The following PRPF8 variants were observed in gnomAD, a reference collection of about 807,000 sequenced individuals.
PRPF8 encodes the protein pre-mRNA processing factor 8, also known as pre-mRNA-processing-splicing factor 8.
A neutral mutation model predicts 285.9 loss-of-function variants in PRPF8; 64 were observed. That is an observed-to-expected ratio of 0.22 (90% CI 0.18 to 0.28). The LOEUF (loss-of-function observed/expected upper bound fraction) is 0.28, where lower values mean the gene tolerates loss of function less well. Ranked by LOEUF, PRPF8 falls within the 10% of genes least tolerant of loss-of-function variation. The pLI is 1.00. For missense variants in PRPF8, 1,426 were observed against 3,026.7 expected, an observed-to-expected ratio of 0.47 and a Z score of 12.41; for synonymous variants, 1,325 against 1,118.2, an observed-to-expected ratio of 1.18 and a Z score of -3.69.
In PRPF8 at chr17:1,676,099, G is replaced by A. The variant is rs1912589847; in HGVS notation, c.2553-45C>T. 6.2e-7 allele frequency: 1 copy of A among 1,612,222 alleles called. No homozygotes were observed. Among genetic ancestry groups the A allele is most frequent in the Non-Finnish European group, 8.5e-7 (1 of 1,179,972 alleles). On this transcript the variant is annotated intron_variant, in intron 17 of 42. Coordinates refer to ENST00000304992, the MANE Select transcript of PRPF8 (RefSeq NM_006445.4). The surrounding 1 kb of genome is among the most constrained non-coding windows in gnomAD (Gnocchi z 6.3). ...GGGTGAATGGGAAAACTAGGAGGAAGTAAAACCAGGAAAGACTGGGGCTAC... is the reference window on the plus strand; with the variant it reads ...GGGTGAATGGGAAAACTAGGAGGAAATAAAACCAGGAAAGACTGGGGCTAC...
chr17:1,653,243 T>A lies in PRPF8; in HGVS notation c.6369+299A>T, dbSNP rs1227443464. The A allele has an allele frequency of 1.9e-6, 1 of 524,812 alleles. No individual in the cohort carries two copies. The highest frequency in any genetic ancestry group is 3.5e-6 in the Non-Finnish European group (1 of 289,254). The allele number at this position is 524,812 out of a possible 1,614,324, so 32.5% of individuals were successfully genotyped here. On this transcript the variant is annotated intron_variant, in intron 39 of 42. Transcript: ENST00000304992. This position sits in a 1 kb window ranked among gnomAD's most constrained non-coding sequence, Gnocchi z 4.9. ...GCATTAGCCACTGTGCCCAGCCGAG[T>A]GTTGGGATTACAGGCATGAGCCAGC...
At position 1,659,786 on chromosome 17, in the gene PRPF8, GAAC is replaced by G. The variant is rs1356497974; in HGVS notation, c.4946+52_4946+54del. ...AATTCCTAAAGTTGCAGGGCTAGAA[GAAC>G]AGGAAAACGAAAGTGTCCTGGCTGC... On this transcript the variant is annotated intron_variant, in intron 31 of 42. Coordinates refer to ENST00000304992, the MANE Select transcript of PRPF8 (RefSeq NM_006445.4). This position sits in a 1 kb window ranked among gnomAD's most constrained non-coding sequence, Gnocchi z 5.1. 4.4e-6 allele frequency: 7 copies of G among 1,592,686 alleles called. No homozygotes were observed. Among genetic ancestry groups the G allele is most frequent in the Non-Finnish European group, 5.2e-6 (6 of 1,162,656 alleles).
Position 1,653,534 on chromosome 17 carries a change from T to C in PRPF8, c.6369+8A>G. On this transcript the variant is annotated splice_region_variant and intron_variant, in intron 39 of 42. Coordinates refer to ENST00000304992, the MANE Select transcript of PRPF8 (RefSeq NM_006445.4). The surrounding 1 kb of genome is among the most constrained non-coding windows in gnomAD (Gnocchi z 4.9). ...CACACTGTGGCCTAGCTGAGTCCAC[T>C]TACTCACTTGGGCCCGAAGGTCAGA... is the stretch of plus-strand genomic sequence containing the variant. 4 of 1,614,200 alleles carry C rather than the reference T, an allele frequency of 2.5e-6. No homozygotes were observed. The highest frequency in any genetic ancestry group is 3.4e-6 in the Non-Finnish European group (4 of 1,180,034).
Position 1,661,463 on chromosome 17 carries a change from C to A in PRPF8, c.4203-57G>T. 6.2e-7 allele frequency: 1 copy of A among 1,613,394 alleles called. No individual in the cohort carries two copies. The highest frequency in any genetic ancestry group is 8.5e-7 in the Non-Finnish European group (1 of 1,179,856). Reference sequence around the variant, plus strand: ...GTGATCTCATATGAGGAGCTCAGCACTCCTTCCTGGCCAAAAATAATTAGG... The same window carrying A: ...GTGATCTCATATGAGGAGCTCAGCAATCCTTCCTGGCCAAAAATAATTAGG... On this transcript the variant is annotated intron_variant, in intron 26 of 42. Coordinates refer to ENST00000304992, the MANE Select transcript of PRPF8 (RefSeq NM_006445.4). The surrounding 1 kb of genome is among the most constrained non-coding windows in gnomAD (Gnocchi z 7.3).
chr17:1,683,341 C>G, intron 3 of PRPF8, 192 bp downstream of exon 3: 1 of 692,206 alleles, frequency 1.4e-6, no homozygotes, highest in Non-Finnish European at 2.6e-6. Flanking sequence ...AAGCACCAGT[C>G]CCAGATCGGG....
At position 1,675,969 on chromosome 17, in the gene PRPF8, G is replaced by A. The variant is rs774155574; in HGVS notation, c.2638C>T (p.Arg880Cys). The A allele has an allele frequency of 1.2e-6, 2 of 1,614,056 alleles. No homozygotes were observed. Among genetic ancestry groups the A allele is most frequent in the Non-Finnish European group, 1.7e-6 (2 of 1,180,012 alleles). Residue 880 changes from arginine to cysteine, a missense_variant, in exon 18 of 43, where the codon CGC (arginine) becomes TGC (cysteine). This residue lies in a region of PRPF8 where 70 missense variants were observed against 273.7 expected (regional missense o/e 0.26). Transcript: ENST00000304992. The surrounding 1 kb of genome is among the most constrained non-coding windows in gnomAD (Gnocchi z 6.0). ...AYDNPHEALS[R>C]IKRHLLTQRA... The stretch of plus-strand genomic sequence containing the variant: ...TGTGTGAGGAGGTGACGCTTGATGC[G>A]GGACAGCGCCTCGTGGGGGTTATCG...
At chr17:1,677,831 A>G (rs1266555658) in intron 13 of PRPF8, 137 bp from the exon 14 acceptor site, 5 of 1,123,926 alleles carry the variant, frequency 4.4e-6, no homozygotes, top group South Asian at 1.4e-5. Context: ...GGGTAAAAAG[A>G]AAAAAAAACT....
Position 1,651,014 on chromosome 17 carries a change from C to T in PRPF8, c.6854-58G>A. On this transcript the variant is annotated intron_variant, in intron 42 of 42. Transcript: ENST00000304992. The surrounding 1 kb of genome is among the most constrained non-coding windows in gnomAD (Gnocchi z 5.1). ...GGGCTCCTGCCTCATGCAGCCTGCG[C>T]CACCTCCAAGCCAGCCAGGCCCCAA... The T allele has an allele frequency of 1.2e-6, 2 of 1,614,054 alleles. No homozygotes were observed. Among genetic ancestry groups the T allele is most frequent in the Non-Finnish European group, 1.7e-6 (2 of 1,179,932 alleles).
At chr17:1,684,294 G>A (rs925048568) in intron 2 of PRPF8, among the ~76,000 whole-genome samples, 178 bp downstream of exon 2, 3 of 152,204 alleles carry the variant, frequency 2.0e-5, no homozygotes, top group Admixed American at 6.5e-5. Context: ...CTGTACCCCC[G>A]CTGGATCAGC....
intron 24 of PRPF8, among the ~76,000 whole-genome samples, chr17:1,663,302 TAA>T (rs74265482): frequency 7.4e-5 from 11 of 148,982 alleles, no homozygotes; most frequent in Admixed American, 7.3e-4. Flanking sequence ...AAAAATAATT[TAA>T]AAAAAAAAGA....
intron 3 of PRPF8, 51 bp downstream of exon 3, chr17:1,683,482 G>A (rs890601802): frequency 8.2e-6 from 13 of 1,593,898 alleles, no homozygotes; most frequent in Non-Finnish European, 1.1e-5. Context: ...GGGACAGGGA[G>A]AAGGGAAAAG....
chr17:1,676,380 G>A lies in PRPF8; in HGVS notation c.2389-10C>T, dbSNP rs766724833. Reference sequence around the variant, plus strand: ...TGATGTAAGGCCCGTCCTGTAAGGTGGACATGAAATTAGCCTCCCGCTACA... The same window carrying A: ...TGATGTAAGGCCCGTCCTGTAAGGTAGACATGAAATTAGCCTCCCGCTACA... On this transcript the variant is annotated splice_polypyrimidine_tract_variant and intron_variant, in intron 16 of 42. Coordinates refer to ENST00000304992, the MANE Select transcript of PRPF8 (RefSeq NM_006445.4). This position sits in a 1 kb window ranked among gnomAD's most constrained non-coding sequence, Gnocchi z 6.3. 13 of 1,613,976 alleles carry A rather than the reference G, an allele frequency of 8.1e-6. No homozygotes were observed. The highest frequency in any genetic ancestry group is 1.1e-5 in the Non-Finnish European group (13 of 1,180,042).
intron 24 of PRPF8, among the ~76,000 whole-genome samples, chr17:1,665,365 C>A (rs142583593): frequency 3.4e-4 from 51 of 150,206 alleles, no homozygotes; most frequent in African/African-American, 1.2e-3. Context: ...CGGTGAAACC[C>A]GTCTCTACTA....
chr17:1,679,233 G>A lies in PRPF8; in HGVS notation c.1410-27C>T. On this transcript the variant is annotated intron_variant, in intron 10 of 42. Transcript: ENST00000304992. This position sits in a 1 kb window ranked among gnomAD's most constrained non-coding sequence, Gnocchi z 4.7. Reference sequence around the variant, plus strand: ...TGAGGTGGGAACATGGAGAGTAAGAGTCAGCCTACTGATATCTCTGGAACA... The same window carrying A: ...TGAGGTGGGAACATGGAGAGTAAGAATCAGCCTACTGATATCTCTGGAACA... 6.2e-7 allele frequency: 1 copy of A among 1,614,218 alleles called. No homozygotes were observed. Among genetic ancestry groups the A allele is most frequent in the Non-Finnish European group, 8.5e-7 (1 of 1,180,038 alleles).
Position 1,684,466 on chromosome 17 carries a change from C to T in PRPF8, c.100+6G>A, listed in dbSNP as rs1201973932. The T allele has an allele frequency of 1.9e-6, 3 of 1,612,626 alleles. No homozygotes were observed. The highest frequency in any genetic ancestry group is 2.2e-5 in the South Asian group (2 of 91,078). On this transcript the variant is annotated splice_donor_region_variant and intron_variant, in intron 2 of 42. Transcript: ENST00000304992. ...GCCCGCGCGCCGCTCCACACTCTCG[C>T]CTCACCTTTCTCCTGCAGCTTCTCC...
intron 24 of PRPF8, among the ~76,000 whole-genome samples, chr17:1,664,478 CAGGCACCAAG>C (rs1911845738): frequency 6.6e-6 from 1 of 152,066 alleles, no homozygotes; most frequent in Admixed American, 6.6e-5. Context: ...ACACATAGGA[CAGGCACCAAG>C]AGAGACTGTA....
intron 24 of PRPF8, among the ~76,000 whole-genome samples, chr17:1,668,379 T>A (rs1912113962): frequency 1.4e-5 from 2 of 142,456 alleles, no homozygotes; most frequent in African/African-American, 5.3e-5. Flanking sequence ...TTTTTTTTTT[T>A]GAGACAGAGT....
chr17:1,677,816 T>G, intron 13 of PRPF8, 122 bp from the exon 14 acceptor site: 1 of 1,310,886 alleles, frequency 7.6e-7, no homozygotes, highest in South Asian at 1.3e-5. Flanking sequence ...GGTATGGCAG[T>G]AGAGGGGTAA....
intron 6 of PRPF8, 29 bp from the exon 7 acceptor site, chr17:1,681,083 C>CA: frequency 7.6e-7 from 1 of 1,311,064 alleles, no homozygotes; most frequent in Non-Finnish European, 1.1e-6. Flanking sequence ...AATAAGCAGA[C>CA]TTTTTTTTTT....
Sources: gnomAD v4.1 joint callset for allele counts (sites outside exome capture counted in the v4.1 genomes callset) on GRCh38, gnomAD v4.1.1 for gene constraint, gnomAD v4.1.1 regional missense constraint, Gnocchi (gnomAD v3.1) non-coding constraint, MANE v1.5 for transcripts, NCBI Gene and HGNC (gene_info 2026-07-23, HGNC 2026-07-21) for gene names.